DNMBP: variants seen among roughly 807,000 people sequenced by gnomAD.
The protein encoded by DNMBP is dynamin binding protein, also known as dynamin-binding protein.
A neutral mutation model predicts 150.0 loss-of-function variants in DNMBP; 87 were observed. The ratio of observed to expected loss-of-function variants is 0.58; its 90% CI spans 0.49 to 0.69. DNMBP has a LOEUF of 0.69. DNMBP is among the 30% of genes least tolerant of loss of function. DNMBP has a pLI of 0.00. For synonymous variants in DNMBP, 711 were observed against 750.4 expected (o/e 0.95, Z 0.86); for missense variants, 1,774 against 1,949.0 (o/e 0.91, Z 1.69).
Position 99,880,221 on chromosome 10 carries a change from C to T in DNMBP, c.4138G>A (p.Gly1380Ser), listed in dbSNP as rs148004684. The T allele has an allele frequency of 9.0e-4, 1,447 of 1,614,084 alleles. 1 individual carries two copies. Among genetic ancestry groups the T allele is most frequent in the East Asian group, 2.1e-3 (92 of 44,872 alleles). The change falls in exon 16 of 17, where the codon GGC (glycine) becomes AGC (serine). Residue 1380 changes from glycine to serine, a missense_variant. Gly to Ser is a moderately conservative substitution (Grantham distance 56, BLOSUM62 0). This residue lies in a region of DNMBP where 1,430 missense variants were observed against 1,492.5 expected (regional missense o/e 0.96). Coordinates refer to ENST00000324109, the MANE Select transcript of DNMBP (RefSeq NM_015221.4). ...SSPRFPRQNS[G>S]STLTFNPSSM... is the part of the protein sequence containing the mutation. ...CTGGGGTTGAAGGTCAGGGTGCTGC[C>T]GCTGTTCTGGCGTGGGAACCTGGGG...
In DNMBP at chr10:99,886,592, T is replaced by G; in HGVS notation, c.3326A>C (p.Gln1109Pro). The G allele has an allele frequency of 6.2e-7, 1 of 1,614,086 alleles. No individual in the cohort carries two copies. The highest frequency in any genetic ancestry group is 8.5e-7 in the Non-Finnish European group (1 of 1,179,982). Residue 1109 changes from glutamine (Q) to proline (P), a missense_variant, in exon 13 of 17, where the codon CAG (glutamine) becomes CCG (proline). Physicochemically the swap from Gln to Pro is moderately conservative, Grantham distance 76. Transcript: ENST00000324109. The part of the protein sequence containing the change: ...TERLVISPLN[Q>P]LLSMFTGPHK... ...GGGCCCTGTAAACATGCTCAGTAAC[T>G]GATTTAAGGGGGAGATGACAAGCCG...
rs56384589 is a variant in DNMBP at position 99,926,570 on chromosome 10, G to A, written c.2261-17424C>T. Among the ~76,000 whole-genome samples, 346 of 152,302 alleles carry A rather than the reference G, an allele frequency of 2.3e-3. 1 individual carries two copies. Among genetic ancestry groups the A allele is most frequent in the African/African-American group, 7.9e-3 (329 of 41,556 alleles). On this transcript the variant is annotated intron_variant, in intron 4 of 16. Coordinates refer to ENST00000324109, the MANE Select transcript of DNMBP (RefSeq NM_015221.4). ...GCACTCCCTAGTCTTTTAGGACGCC[G>A]GGAAATAAAGCAAAAGAAGAAAGCC... is the stretch of plus-strand genomic sequence containing the variant.
intron 9 of DNMBP, 153 bp downstream of exon 9, chr10:99,897,933 A>G: frequency 1.5e-6 from 1 of 657,394 alleles, no homozygotes; most frequent in Non-Finnish European, 2.7e-6. Context: ...ATAATAAAAT[A>G]TCATATTTCC....
At chr10:99,987,801 G>A (rs1346187762) in intron 1 of DNMBP, among the ~76,000 whole-genome samples, 3 of 151,862 alleles carry the variant, frequency 2.0e-5, no homozygotes, top group Non-Finnish European at 4.4e-5. Flanking sequence ...TGCTATGAGA[G>A]AGAACAAAAA....
chr10:99,912,260 A>C (rs1055076205), intron 4 of DNMBP, among the ~76,000 whole-genome samples: 2 of 152,156 alleles, frequency 1.3e-5, no homozygotes, highest in African/African-American at 4.8e-5. Flanking sequence ...CAATGAGAAA[A>C]GGTCAGGGGC....
intron 16 of DNMBP, among the ~76,000 whole-genome samples, chr10:99,879,101 A>AAAAAAAAAAAACAAAAAAAAAAAAAC (rs1554857510): frequency 2.2e-5 from 3 of 135,164 alleles, no homozygotes; most frequent in Admixed American, 7.4e-5. Flanking sequence ...AAAAAAAAAA[A>AAAAAAAAAAAACAAAAAAAAAAAAAC]CCCAAAACGT....
At chr10:99,934,569 T>C (rs1159540122) in intron 4 of DNMBP, among the ~76,000 whole-genome samples, 1 of 134,622 alleles carries the variant, frequency 7.4e-6, no homozygotes, top group Non-Finnish European at 1.6e-5. Context: ...GCAAATTTAT[T>C]TTTTATATAT....
At chr10:99,878,672 G>A (rs1359376109) in intron 16 of DNMBP, among the ~76,000 whole-genome samples, 1 of 152,120 alleles carries the variant, frequency 6.6e-6, no homozygotes, top group Non-Finnish European at 1.5e-5. Flanking sequence ...GACACGACTG[G>A]GCCTTCCCAT....
chr10:99,925,293 T>G (rs2040066589), intron 4 of DNMBP, among the ~76,000 whole-genome samples: 1 of 152,234 alleles, frequency 6.6e-6, no homozygotes, highest in Admixed American at 6.5e-5. Context: ...CCTGCCCTAA[T>G]CCTTGACCCA....
intron 4 of DNMBP, among the ~76,000 whole-genome samples, chr10:99,947,549 G>C (rs2133315610): frequency 6.6e-6 from 1 of 150,808 alleles, no homozygotes; most frequent in East Asian, 1.9e-4. Flanking sequence ...AACAGACACT[G>C]GGGACTACAG....
At chr10:99,918,653 G>T (rs367903397) in intron 4 of DNMBP, among the ~76,000 whole-genome samples, 2 of 146,656 alleles carry the variant, frequency 1.4e-5, no homozygotes, top group African/African-American at 5.1e-5. Flanking sequence ...TGCAACCTCC[G>T]CCTCCCAGGT....
Position 99,885,681 on chromosome 10 carries a change from A to C in DNMBP, c.3798+6T>G. 6.4e-7 allele frequency: 1 copy of C among 1,557,478 alleles called. No individual in the cohort carries two copies. ...GCGGGGCTGCTGCTCTCAGTTCCCT[A>C]CTCACCAGGCCCAGGAGTGGCTTTC... On this transcript the variant is annotated splice_donor_region_variant and intron_variant, in intron 14 of 16. Coordinates refer to ENST00000324109, the MANE Select transcript of DNMBP (RefSeq NM_015221.4).
intron 9 of DNMBP, 183 bp from the exon 10 acceptor site, chr10:99,896,580 G>T: frequency 1.7e-6 from 1 of 599,974 alleles, no homozygotes. Flanking sequence ...GAGACAATGG[G>T]CAGCCAGGAG....
At chr10:99,882,885 G>GCAAGACGTAATATCTATAAAATTAT in intron 15 of DNMBP, among the ~76,000 whole-genome samples, 1 of 152,082 alleles carries the variant, frequency 6.6e-6, no homozygotes, top group East Asian at 1.9e-4. Context: ...GGTCAACATG[G>GCAAGACGTAATATCTATAAAATTAT]TGAAACCCCG....
intron 1 of DNMBP, among the ~76,000 whole-genome samples, chr10:99,993,744 A>C (rs1010233674): frequency 6.6e-6 from 1 of 152,294 alleles, no homozygotes; most frequent in African/African-American, 2.4e-5. Context: ...TTGAGGCTGC[A>C]GTGAGCTGTG....
chr10:100,005,787 A>AAAAAAT (rs1564761728), intron 1 of DNMBP, among the ~76,000 whole-genome samples: 1 of 115,928 alleles, frequency 8.6e-6, no homozygotes, highest in African/African-American at 4.2e-5. Context: ...AAAAAAAACC[A>AAAAAAT]AACTACATAA....
At chr10:100,005,254 A>G (rs1295945160) in intron 1 of DNMBP, among the ~76,000 whole-genome samples, 1 of 152,202 alleles carries the variant, frequency 6.6e-6, no homozygotes, top group South Asian at 2.1e-4. Context: ...TTCCACAGAA[A>G]TATTATACAG....
At chr10:100,002,514 A>G (rs1285003601) in intron 1 of DNMBP, among the ~76,000 whole-genome samples, 1 of 152,214 alleles carries the variant, frequency 6.6e-6, no homozygotes, top group Non-Finnish European at 1.5e-5. Flanking sequence ...ATAATTTTAC[A>G]TATCTTATAT....
intron 3 of DNMBP, among the ~76,000 whole-genome samples, chr10:99,965,556 G>A (rs979250945): frequency 1.4e-5 from 2 of 146,870 alleles, no homozygotes; most frequent in African/African-American, 5.1e-5. Flanking sequence ...GGACTGCAGT[G>A]GCGCAATCTT....
Sources: gnomAD v4.1 joint callset for allele counts (sites outside exome capture counted in the v4.1 genomes callset) on GRCh38, gnomAD v4.1.1 for gene constraint, gnomAD v4.1.1 regional missense constraint, MANE v1.5 for transcripts, NCBI Gene and HGNC (gene_info 2026-07-23, HGNC 2026-07-21) for gene names.